TSPAN5: variants seen among roughly 807,000 people sequenced by gnomAD.
TSPAN5 encodes tetraspanin-5.
In TSPAN5, 10 loss-of-function variants were observed where a neutral mutation model predicts 37.1. The observed-to-expected ratio is 0.27, with a 90% CI of 0.17 to 0.46. TSPAN5 has a LOEUF of 0.46. Among genes scored for constraint, TSPAN5 ranks in the 20% least tolerant of loss-of-function variants. The probability of loss-of-function intolerance (pLI) is 1.00; values close to 1 mark genes in which losing one functional copy is unlikely to be tolerated. For missense variants in TSPAN5, 195 were observed against 326.6 expected (o/e 0.60, Z 3.11); for synonymous variants, 110 against 118.9 (o/e 0.93, Z 0.48).
At chr4:98,503,556 G>A (rs1753405385) in intron 2 of TSPAN5, among the ~76,000 whole-genome samples, 1 of 152,196 alleles carries the variant, frequency 6.6e-6, no homozygotes, top group African/African-American at 2.4e-5. Context: ...AGTGGGACAT[G>A]ATTCTAATTC....
At chr4:98,529,443 CAA>C (rs1267323804) in intron 1 of TSPAN5, among the ~76,000 whole-genome samples, 3 of 152,316 alleles carry the variant, frequency 2.0e-5, no homozygotes, top group East Asian at 3.9e-4. Context: ...TTAATAAAAA[CAA>C]GAGCTAACAT....
At chr4:98,557,041 T>A (rs146273158) in intron 1 of TSPAN5, among the ~76,000 whole-genome samples, 2 of 152,202 alleles carry the variant, frequency 1.3e-5, no homozygotes, top group Non-Finnish European at 2.9e-5. Flanking sequence ...TGAAGTAGTT[T>A]AAACATTGAC....
At chr4:98,498,893 C>A (rs6532739) in intron 2 of TSPAN5, among the ~76,000 whole-genome samples, 2 of 151,916 alleles carry the variant, frequency 1.3e-5, no homozygotes, top group Admixed American at 1.3e-4. Context: ...GTTCTGGGGG[C>A]ACTGACCTCG....
At chr4:98,613,019 C>T (rs1227751347) in intron 1 of TSPAN5, among the ~76,000 whole-genome samples, 5 of 152,204 alleles carry the variant, frequency 3.3e-5, no homozygotes, top group Non-Finnish European at 5.9e-5. Context: ...CTGGCTTCCT[C>T]ACAGACGTAC....
chr4:98,592,527 C>T (rs1327763236), intron 1 of TSPAN5, among the ~76,000 whole-genome samples: 1 of 146,786 alleles, frequency 6.8e-6, no homozygotes, highest in Non-Finnish European at 1.5e-5. Flanking sequence ...TGCTGGTGCG[C>T]TGCACCCACT....
chr4:98,523,527 C>G (rs1434949959), intron 1 of TSPAN5, among the ~76,000 whole-genome samples: 1 of 152,048 alleles, frequency 6.6e-6, no homozygotes, highest in South Asian at 2.1e-4. Context: ...CTCTGCCTCC[C>G]GGGTTCAAGT....
chr4:98,533,499 G>A lies in TSPAN5; in HGVS notation c.82-25771C>T, dbSNP rs376557039. On this transcript the variant is annotated intron_variant, in intron 1 of 7. Transcript: ENST00000305798. ...AGAGGTGTTTATAGTATTCTCTGATGGTAGTCTGTACTTCTGCGGGATTGG... is the reference window on the plus strand; with the variant it reads ...AGAGGTGTTTATAGTATTCTCTGATAGTAGTCTGTACTTCTGCGGGATTGG... 1.4e-4 allele frequency among the ~76,000 whole-genome samples: 20 copies of A among 142,060 alleles called. No homozygotes were observed. The South Asian group carries it at 3.3e-3, about 23-fold the overall frequency. The allele number at this position is 142,060 out of a possible 152,430, so 93.2% of individuals were successfully genotyped here.
At chr4:98,565,597 C>T (rs1427893866) in intron 1 of TSPAN5, among the ~76,000 whole-genome samples, 1 of 152,212 alleles carries the variant, frequency 6.6e-6, no homozygotes, top group African/African-American at 2.4e-5. Flanking sequence ...ACACCACCTA[C>T]ATACATCTCA....
At chr4:98,499,316 A>AG (rs1415651806) in intron 2 of TSPAN5, among the ~76,000 whole-genome samples, 1 of 152,240 alleles carries the variant, frequency 6.6e-6, no homozygotes, top group Non-Finnish European at 1.5e-5. Context: ...TTCCCTCCTC[A>AG]GGGGCCAAGG....
At chr4:98,641,267 G>A (rs997066525) in intron 1 of TSPAN5, among the ~76,000 whole-genome samples, 1 of 152,190 alleles carries the variant, frequency 6.6e-6, no homozygotes, top group Non-Finnish European at 1.5e-5. Context: ...ATATGTGAAT[G>A]TGTAGGTTAT....
intron 1 of TSPAN5, among the ~76,000 whole-genome samples, chr4:98,579,844 TG>T (rs1417502931): frequency 6.6e-6 from 1 of 152,216 alleles, no homozygotes; most frequent in Non-Finnish European, 1.5e-5. Flanking sequence ...GCAAATAATT[TG>T]GTCCCAATTA....
chr4:98,626,879 AG>A (rs1756612452), intron 1 of TSPAN5, among the ~76,000 whole-genome samples: 1 of 142,002 alleles, frequency 7.0e-6, no homozygotes, highest in Admixed American at 7.2e-5. Flanking sequence ...AAGCTTCATG[AG>A]AGCAGGTTTT....
chr4:98,525,524 C>A (rs1753942221), intron 1 of TSPAN5, among the ~76,000 whole-genome samples: 1 of 152,086 alleles, frequency 6.6e-6, no homozygotes. Flanking sequence ...CCACTCTCAA[C>A]CCTGAACTAA....
intron 1 of TSPAN5, among the ~76,000 whole-genome samples, chr4:98,623,006 C>T (rs555652288): frequency 1.3e-5 from 2 of 152,230 alleles, no homozygotes; most frequent in African/African-American, 4.8e-5. Flanking sequence ...TAAATTGTGA[C>T]ATTTTAACAA....
At chr4:98,583,270 C>T (rs530874739) in intron 1 of TSPAN5, among the ~76,000 whole-genome samples, 59 of 152,196 alleles carry the variant, frequency 3.9e-4, no homozygotes, top group Middle Eastern at 3.4e-3. Flanking sequence ...TGATATAAAG[C>T]CTTTCATTTT....
In TSPAN5 at chr4:98,643,399, C is replaced by T. The variant is rs180974699; in HGVS notation, c.81+14747G>A. On this transcript the variant is annotated intron_variant, in intron 1 of 7. Coordinates refer to ENST00000305798, the MANE Select transcript of TSPAN5 (RefSeq NM_005723.4). Reference sequence around the variant, plus strand: ...CTCAGAACATACCCCTGTTGTTAAGCGATACATGACTGTACTTTTTTTAAA... The same window carrying T: ...CTCAGAACATACCCCTGTTGTTAAGTGATACATGACTGTACTTTTTTTAAA... Among the ~76,000 whole-genome samples, 21 of 151,892 alleles carry T rather than the reference C, an allele frequency of 1.4e-4. 1 individual carries two copies. In the South Asian group the frequency reaches 1.5e-3, roughly 11 times the overall value.
At chr4:98,492,956 T>C (rs1049540302) in intron 2 of TSPAN5, among the ~76,000 whole-genome samples, 4 of 152,124 alleles carry the variant, frequency 2.6e-5, no homozygotes, top group Admixed American at 1.3e-4. Context: ...GGTAGGGGGA[T>C]TGCCTGAAGC....
At chr4:98,555,329 C>G (rs564733749) in intron 1 of TSPAN5, among the ~76,000 whole-genome samples, 1 of 152,148 alleles carries the variant, frequency 6.6e-6, no homozygotes, top group Non-Finnish European at 1.5e-5. Flanking sequence ...CAATTTTTGA[C>G]GTCAATCATC....
intron 1 of TSPAN5, among the ~76,000 whole-genome samples, chr4:98,621,456 C>T (rs926110348): frequency 2.0e-5 from 3 of 151,510 alleles, no homozygotes; most frequent in African/African-American, 4.9e-5. Context: ...CAAGCTCTGC[C>T]CCCCAGGTTC....
Sources: gnomAD v4.1 joint callset for allele counts (sites outside exome capture counted in the v4.1 genomes callset) on GRCh38, gnomAD v4.1.1 for gene constraint, MANE v1.5 for transcripts, NCBI Gene and HGNC (gene_info 2026-07-23, HGNC 2026-07-21) for gene names.